Variants in SYNE1 observed in about 807,000 individuals in gnomAD.
SYNE1 encodes nesprin-1.
SYNE1 carries 616 observed loss-of-function variants against 1,111.0 expected under a neutral mutation model. That is an observed-to-expected ratio of 0.55 (90% CI 0.52 to 0.59). The LOEUF is 0.59. Ranked by LOEUF, SYNE1 falls within the 20% of genes least tolerant of loss-of-function variation. SYNE1 has a pLI of 0.00. For synonymous variants in SYNE1, 3,855 were observed against 3,825.8 expected (o/e 1.01, Z -0.28); for missense variants, 10,006 against 10,417.0 (o/e 0.96, Z 1.72).
rs187959363 is a variant in SYNE1 at position 152,440,619 on chromosome 6, G to A, written c.4149+511C>T. Among the ~76,000 whole-genome samples, 18 of 142,858 alleles carry A rather than the reference G, an allele frequency of 1.3e-4. No homozygotes were observed. In the East Asian group the frequency reaches 3.4e-3, roughly 27 times the overall value. The allele number at this position is 142,858 out of a possible 152,430, so 93.7% of individuals were successfully genotyped here. On this transcript the variant is annotated intron_variant, in intron 32 of 145. Coordinates refer to ENST00000367255, the MANE Select transcript of SYNE1 (RefSeq NM_182961.4). Reference sequence around the variant, plus strand: ...AGTCTCACTCTCTTGCCAGGCTGGAGTGCAGTGGTGCCATCTCGGCTCACT... The same window carrying A: ...AGTCTCACTCTCTTGCCAGGCTGGAATGCAGTGGTGCCATCTCGGCTCACT...
At chr6:152,471,419 G>T (rs1315417086) in intron 16 of SYNE1, among the ~76,000 whole-genome samples, 178 bp downstream of exon 16, 1 of 152,138 alleles carries the variant, frequency 6.6e-6, no homozygotes. Context: ...AAATTCCAAA[G>T]AAATAGGTTT....
intron 5 of SYNE1, among the ~76,000 whole-genome samples, chr6:152,523,135 G>A (rs576759906): frequency 2.6e-5 from 4 of 152,096 alleles, no homozygotes; most frequent in Non-Finnish European, 4.4e-5. Flanking sequence ...CTAGGCCAAT[G>A]TCTAGAGATT....
At chr6:152,636,088 C>T (rs547694896) in intron 2 of SYNE1, among the ~76,000 whole-genome samples, 138 of 152,316 alleles carry the variant, frequency 9.1e-4, no homozygotes, top group African/African-American at 3.2e-3. Flanking sequence ...AAAGAGGAGA[C>T]GAAAGTTCTC....
chr6:152,344,405 C>T (rs1442680732), intron 73 of SYNE1, among the ~76,000 whole-genome samples, 178 bp from the exon 74 acceptor site: 1 of 152,184 alleles, frequency 6.6e-6, no homozygotes, highest in East Asian at 1.9e-4. Flanking sequence ...AATGCAATGC[C>T]TATACCCCAG....
Position 152,141,231 on chromosome 6 carries a change from G to A in SYNE1, c.25218C>T (p.Asn8406=), listed in dbSNP as rs1376848479. 3 of 1,614,052 alleles carry A rather than the reference G, an allele frequency of 1.9e-6. No individual in the cohort carries two copies. The highest frequency in any genetic ancestry group is 1.3e-5 in the African/African-American group (1 of 74,922). ...EEEESLPGFV[N]LHSTETQTAG... ...CCGTTTGGGTTTCGGTACTATGCAG[G>A]TTAACAAAGCCAGGAAGGCTCTCCT... Residue 8406 remains asparagine, a synonymous_variant, in exon 139 of 146, where the codon AAC becomes AAT. Transcript: ENST00000367255.
chr6:152,202,008 G>C (rs2635441), intron 126 of SYNE1, 59 bp from the exon 127 acceptor site: 1 of 1,571,872 alleles, frequency 6.4e-7, no homozygotes. Context: ...ACTGGGGGGG[G>C]AAAAGAAAAG....
At chr6:152,162,580 C>T (rs2153007314) in intron 131 of SYNE1, among the ~76,000 whole-genome samples, 1 of 152,298 alleles carries the variant, frequency 6.6e-6, no homozygotes, top group East Asian at 1.9e-4. Flanking sequence ...AAGCCGGATG[C>T]CAACCAGGAT....
chr6:152,538,829 A>T (rs1365052270), intron 4 of SYNE1, among the ~76,000 whole-genome samples: 2 of 152,098 alleles, frequency 1.3e-5, no homozygotes, highest in Non-Finnish European at 2.9e-5. Context: ...AAGAGAGCAT[A>T]GGAAAGATGA....
At chr6:152,266,560 C>G (rs1253235876) in intron 100 of SYNE1, among the ~76,000 whole-genome samples, 1 of 152,078 alleles carries the variant, frequency 6.6e-6, no homozygotes, top group Non-Finnish European at 1.5e-5. Context: ...TTTTAAACTC[C>G]TTTATATTTT....
At chr6:152,273,748 A>G (rs971648059) in intron 98 of SYNE1, among the ~76,000 whole-genome samples, 14 of 152,242 alleles carry the variant, frequency 9.2e-5, no homozygotes. Flanking sequence ...CTTGTGTGAT[A>G]ATAGCTAGAG....
At chr6:152,340,037 T>C (rs11755383) in intron 74 of SYNE1, among the ~76,000 whole-genome samples, 18,218 of 152,200 alleles carry the variant, frequency 0.12, 1,302 homozygotes, top group Non-Finnish European at 0.14. Context: ...AAATAATATA[T>C]AAATAAACAA....
intron 63 of SYNE1, among the ~76,000 whole-genome samples, chr6:152,363,338 C>A (rs1215378475): frequency 6.8e-6 from 1 of 148,122 alleles, no homozygotes; most frequent in Non-Finnish European, 1.5e-5. Context: ...ACTAAAAATA[C>A]AAAAAATTAG....
At chr6:152,591,355 A>C (rs2099563877) in intron 3 of SYNE1, among the ~76,000 whole-genome samples, 1 of 152,196 alleles carries the variant, frequency 6.6e-6, no homozygotes, top group Admixed American at 6.5e-5. Flanking sequence ...AAATAAAGCC[A>C]CACACCTACA....
chr6:152,202,740 A>C (rs1157096737), intron 126 of SYNE1, among the ~76,000 whole-genome samples: 1 of 152,028 alleles, frequency 6.6e-6, no homozygotes, highest in African/African-American at 2.4e-5. Context: ...ACTACACCCA[A>C]TGTCTACCCT....
chr6:152,625,348 G>A (rs1010218735), intron 3 of SYNE1, among the ~76,000 whole-genome samples: 8 of 152,166 alleles, frequency 5.3e-5, no homozygotes, highest in Admixed American at 4.6e-4. Context: ...AGACCTGCAC[G>A]TCACCAACTG....
At chr6:152,438,859 A>G (rs1012302583) in intron 32 of SYNE1, among the ~76,000 whole-genome samples, 2 of 152,254 alleles carry the variant, frequency 1.3e-5, no homozygotes, top group African/African-American at 4.8e-5. Flanking sequence ...GGCAGTGAGC[A>G]TAGGCAATTA....
At chr6:152,326,273 A>G in intron 79 of SYNE1, 23 bp downstream of exon 79, 2 of 1,613,976 alleles carry the variant, frequency 1.2e-6, no homozygotes, top group Non-Finnish European at 1.7e-6. Context: ...CTAAAACATA[A>G]AACACAAAAC....
chr6:152,249,209 C>A lies in SYNE1; in HGVS notation c.19524G>T (p.Leu6508=), dbSNP rs1409893791. The stretch of plus-strand genomic sequence containing the variant: ...GTTCAAACACATTTGCCAGTTTTTG[C>A]AGAATGATGTATTTGTTGTCAGCCA... ...TSLADNKYII[L]QKLANVFEQP... The change falls in exon 105 of 146, where the codon CTG becomes CTT. Residue 6508 remains leucine, a synonymous_variant. Coordinates refer to ENST00000367255, the MANE Select transcript of SYNE1 (RefSeq NM_182961.4). 6.2e-7 allele frequency: 1 copy of A among 1,613,940 alleles called. No individual in the cohort carries two copies. The highest frequency in any genetic ancestry group is 8.5e-7 in the Non-Finnish European group (1 of 1,179,972).
At chr6:152,380,628 G>C (rs772803230) in intron 56 of SYNE1, 9 of 291,432 alleles carry the variant, frequency 3.1e-5, no homozygotes, top group Non-Finnish European at 5.3e-5. Flanking sequence ...CAATCATTTA[G>C]TTGTATGAAA....
Sources: allele counts gnomAD v4.1 joint callset (sites outside exome capture counted in the v4.1 genomes callset), GRCh38; gene constraint gnomAD v4.1.1; transcripts MANE v1.5; gene names NCBI Gene and HGNC (gene_info 2026-07-23, HGNC 2026-07-21).